The following DPP6 variants were observed in gnomAD, a reference collection of about 807,000 sequenced individuals.
The protein encoded by DPP6 is dipeptidyl peptidase like 6.
A neutral mutation model predicts 122.6 loss-of-function variants in DPP6; 69 were observed. That is an observed-to-expected ratio of 0.56 (90% CI 0.46 to 0.69). DPP6 has a LOEUF of 0.69. Ranked by LOEUF, DPP6 falls within the 30% of genes least tolerant of loss-of-function variation. The probability of loss-of-function intolerance (pLI) is 0.00; values close to 1 mark genes in which losing one functional copy is unlikely to be tolerated. For missense variants in DPP6, 928 were observed against 1,116.9 expected (o/e 0.83, Z 2.41); for synonymous variants, 418 against 433.1 (o/e 0.97, Z 0.43).
chr7:154,796,274 G>A (rs1798047234), intron 12 of DPP6: 1 of 177,384 alleles, frequency 5.6e-6, no homozygotes, highest in East Asian at 1.5e-4. Context: ...TGCCAGGGGT[G>A]GTTTTGTTGG....
chr7:154,585,941 G>C (rs1832414791), intron 5 of DPP6, among the ~76,000 whole-genome samples: 1 of 152,168 alleles, frequency 6.6e-6, no homozygotes, highest in Non-Finnish European at 1.5e-5. Flanking sequence ...CATGAGCATG[G>C]GAGAAAGGAG....
At chr7:153,890,413 T>G (rs1415326895) in intron 1 of DPP6, among the ~76,000 whole-genome samples, 2 of 152,276 alleles carry the variant, frequency 1.3e-5, no homozygotes, top group African/African-American at 2.4e-5. Context: ...ATGATTGTTC[T>G]GGACCTGCAG....
intron 5 of DPP6, among the ~76,000 whole-genome samples, chr7:154,603,460 A>G: frequency 8.6e-6 from 1 of 116,506 alleles, no homozygotes; most frequent in Admixed American, 1.0e-4. Context: ...TGAGGTCAGG[A>G]GTTCGAGACC....
At chr7:154,217,334 C>T (rs1184453939) in intron 1 of DPP6, among the ~76,000 whole-genome samples, 1 of 152,084 alleles carries the variant, frequency 6.6e-6, no homozygotes, top group African/African-American at 2.4e-5. Context: ...AAATTTCAAG[C>T]GTTGGTTTGC....
At chr7:153,867,503 A>G in the DPP6 span, among the ~76,000 whole-genome samples, 1 of 152,204 alleles carries the variant, frequency 6.6e-6, no homozygotes, top group Non-Finnish European at 1.5e-5. Flanking sequence ...TTGATTTTGT[A>G]TCCTGAGACT....
chr7:154,789,574 C>T (rs1015749458), intron 10 of DPP6, among the ~76,000 whole-genome samples: 4 of 152,206 alleles, frequency 2.6e-5, no homozygotes, highest in Non-Finnish European at 5.9e-5. Context: ...TTCTGTGTGT[C>T]TCTTTAGACA....
chr7:153,762,035 A>G, the DPP6 span, among the ~76,000 whole-genome samples: 1 of 152,342 alleles, frequency 6.6e-6, no homozygotes, highest in Admixed American at 6.5e-5. Flanking sequence ...TCTTCTAGTT[A>G]CATGTCCTGC....
chr7:154,724,896 A>G (rs926740922), intron 7 of DPP6, among the ~76,000 whole-genome samples: 5 of 152,192 alleles, frequency 3.3e-5, no homozygotes, highest in Non-Finnish European at 5.9e-5. Flanking sequence ...ACTGAACTGG[A>G]CACTTAAAAT....
At chr7:154,139,732 A>C (rs1177080230) in intron 1 of DPP6, among the ~76,000 whole-genome samples, 1 of 151,934 alleles carries the variant, frequency 6.6e-6, no homozygotes, top group Non-Finnish European at 1.5e-5. Flanking sequence ...TTACCCCATC[A>C]GTTGTACCAT....
intron 1 of DPP6, among the ~76,000 whole-genome samples, chr7:154,394,383 T>C (rs947959875): frequency 2.0e-5 from 3 of 151,412 alleles, no homozygotes; most frequent in Admixed American, 6.6e-5. Context: ...GCCATTTGTG[T>C]ACCTTTTTTG....
chr7:154,425,621 G>GGTGTGT lies in DPP6; in HGVS notation c.244-20564_244-20559dup, dbSNP rs3056535. Reference sequence around the variant, plus strand: ...GGAAAAAAATGTGTGTGTGTGTGTGGGTGTGTGTGTGTGTGTGTGTGTGTG... The same window carrying GGTGTGT: ...GGAAAAAAATGTGTGTGTGTGTGTGGGTGTGTGTGTGTGTGTGTGTGTGTGTGTGTG... On this transcript the variant is annotated intron_variant, in intron 1 of 25. Coordinates refer to ENST00000377770, the MANE Select transcript of DPP6 (RefSeq NM_130797.4). 3.2e-3 allele frequency among the ~76,000 whole-genome samples: 386 copies of GGTGTGT among 121,486 alleles called. 5 individuals are homozygous for GGTGTGT. The highest frequency in any genetic ancestry group is 0.013 in the African/African-American group (314 of 23,982). 79.7% of individuals were successfully genotyped at this position (121,486 alleles called of 152,430 possible).
At chr7:154,883,820 A>AC (rs1805745010) in intron 21 of DPP6, 1 of 100,166 alleles carries the variant, frequency 1.0e-5, no homozygotes, top group African/African-American at 4.0e-5. Context: ...TGCTCACACA[A>AC]TTACATACAC....
intron 1 of DPP6, among the ~76,000 whole-genome samples, chr7:154,432,847 A>G (rs1334655986): frequency 1.3e-5 from 2 of 152,136 alleles, no homozygotes; most frequent in Non-Finnish European, 2.9e-5. Flanking sequence ...TAAAAGAAAA[A>G]TTGTACTTAG....
chr7:154,175,630 T>C (rs1284795066), intron 1 of DPP6, among the ~76,000 whole-genome samples: 1 of 152,156 alleles, frequency 6.6e-6, no homozygotes, highest in Non-Finnish European at 1.5e-5. Context: ...TGCAGCAATT[T>C]GTTTTGGCCG....
At chr7:154,016,145 G>A (rs183556644) in intron 1 of DPP6, among the ~76,000 whole-genome samples, 51 of 152,112 alleles carry the variant, frequency 3.4e-4, no homozygotes, top group Non-Finnish European at 6.3e-4. Context: ...CCGCAGTGAC[G>A]CATTCCTTGA....
At chr7:154,368,098 AG>A (rs1433440712) in intron 1 of DPP6, among the ~76,000 whole-genome samples, 2 of 152,202 alleles carry the variant, frequency 1.3e-5, no homozygotes, top group African/African-American at 4.8e-5. Flanking sequence ...CACCACACCC[AG>A]CCGTGAAATT....
chr7:154,866,873 A>G (rs1385583911), intron 17 of DPP6, among the ~76,000 whole-genome samples: 1 of 152,134 alleles, frequency 6.6e-6, no homozygotes, highest in Non-Finnish European at 1.5e-5. Context: ...GTTCTTGAAT[A>G]AAGCCACAGC....
chr7:153,790,932 T>C, the DPP6 span, among the ~76,000 whole-genome samples: 1 of 152,224 alleles, frequency 6.6e-6, no homozygotes, highest in Non-Finnish European at 1.5e-5. Flanking sequence ...AGTTCATTTC[T>C]ACGGAGCAAC....
intron 1 of DPP6, among the ~76,000 whole-genome samples, chr7:154,270,045 G>C (rs943105271): frequency 6.6e-6 from 1 of 152,168 alleles, no homozygotes; most frequent in Non-Finnish European, 1.5e-5. Context: ...TTTAAACTAA[G>C]ACCTTCATTT....
Sources: gnomAD v4.1 joint callset for allele counts (sites outside exome capture counted in the v4.1 genomes callset) on GRCh38, gnomAD v4.1.1 for gene constraint, MANE v1.5 for transcripts, NCBI Gene and HGNC (gene_info 2026-07-23, HGNC 2026-07-21) for gene names.